THADA: variants seen among roughly 807,000 people sequenced by gnomAD.
THADA encodes the protein tRNA (32-2'-O)-methyltransferase regulator THADA.
In THADA, 213 loss-of-function variants were observed where a neutral mutation model predicts 219.8. That is an observed-to-expected ratio of 0.97 (90% CI 0.87 to 1.09). The LOEUF (loss-of-function observed/expected upper bound fraction) is 1.09. Among genes scored for constraint, THADA ranks in the 50% least tolerant of loss-of-function variants. The pLI is 0.00. For synonymous variants in THADA, 1,018 were observed against 828.9 expected, an observed-to-expected ratio of 1.23 and a Z score of -3.92; for missense variants, 2,956 against 2,311.3, an observed-to-expected ratio of 1.28 and a Z score of -5.72.
intron 26 of THADA, among the ~76,000 whole-genome samples, chr2:43,460,275 A>G (rs1683475354): frequency 6.7e-6 from 1 of 148,396 alleles, no homozygotes. Context: ...AAAGTAAGCC[A>G]GAAAGCTGAA....
Position 43,486,267 on chromosome 2 carries a change from T to C in THADA, c.3745-942A>G, listed in dbSNP as rs529917118. Among the ~76,000 whole-genome samples the C allele has an allele frequency of 7.2e-5, 11 of 152,356 alleles. No homozygotes were observed. In the South Asian group the frequency reaches 1.9e-3, roughly 26 times the overall value. Reference sequence around the variant, plus strand: ...TAAAGATAAGAGGCAGGAATTACCATGAATAAACACAAATTATTTCTCCAA... The same window carrying C: ...TAAAGATAAGAGGCAGGAATTACCACGAATAAACACAAATTATTTCTCCAA... On this transcript the variant is annotated intron_variant, in intron 25 of 37. Transcript: ENST00000405975.
At chr2:43,310,224 CCG>C (rs1483640333) in intron 31 of THADA, among the ~76,000 whole-genome samples, 402 of 39,644 alleles carry the variant, frequency 0.01, 12 homozygotes, top group Non-Finnish European at 0.012. Flanking sequence ...CCTCCCTTTC[CCG>C]CCCCCCCCCC....
intron 15 of THADA, chr2:43,562,566 T>C (rs1449648756): frequency 4.6e-5 from 7 of 152,086 alleles, no homozygotes; most frequent in Admixed American, 3.9e-4. Context: ...TAAGTGTCTT[T>C]GGTTTTGGTA....
At chr2:43,286,871 AGTT>A in intron 35 of THADA, 34 bp downstream of exon 35, 1 of 1,583,518 alleles carries the variant, frequency 6.3e-7, no homozygotes, top group Non-Finnish European at 8.6e-7. Flanking sequence ...ATTTTAAGTG[AGTT>A]TGGTACAACA....
At chr2:43,442,056 A>G (rs1680903839) in intron 26 of THADA, among the ~76,000 whole-genome samples, 1 of 152,202 alleles carries the variant, frequency 6.6e-6, no homozygotes, top group Non-Finnish European at 1.5e-5. Context: ...TTAATAGTCA[A>G]GTGAATGATA....
At position 43,243,647 on chromosome 2, in the gene THADA, G is replaced by A. The variant is rs549744248; in HGVS notation, c.5297-10765C>T. Among the ~76,000 whole-genome samples, 427 of 152,252 alleles carry A rather than the reference G, an allele frequency of 2.8e-3. 2 individuals are homozygous for A. The highest frequency in any genetic ancestry group is 5.1e-3 in the Non-Finnish European group (344 of 67,988). On this transcript the variant is annotated intron_variant, in intron 36 of 37. Coordinates refer to ENST00000405975, the MANE Select transcript of THADA (RefSeq NM_022065.5). ...GCAGAGAGGTGGCCACAAATGAGAA[G>A]CAGCCCCTTCCCAGGCACAACCTGC...
chr2:43,416,239 T>C (rs1029768960), intron 28 of THADA, among the ~76,000 whole-genome samples: 9 of 152,202 alleles, frequency 5.9e-5, no homozygotes, highest in Non-Finnish European at 1.0e-4. Context: ...CTGAAAATAT[T>C]GTCTGTCCAC....
intron 28 of THADA, among the ~76,000 whole-genome samples, chr2:43,416,024 T>C (rs1476033496): frequency 6.6e-6 from 1 of 152,194 alleles, no homozygotes; most frequent in Non-Finnish European, 1.5e-5. Context: ...GAAGCTTAAC[T>C]AGAAAAAATA....
chr2:43,365,113 T>TG (rs1295380716), intron 29 of THADA, among the ~76,000 whole-genome samples: 113 of 151,948 alleles, frequency 7.4e-4, no homozygotes, highest in Non-Finnish European at 1.2e-4. Context: ...TTAGTAGAGA[T>TG]GGGGTTTCAC....
rs369822260 is a variant in THADA, at chr2:43,574,875, T to C, written c.1190A>G (p.Tyr397Cys). The C allele has an allele frequency of 1.5e-5, 24 of 1,613,902 alleles. No homozygotes were observed. Among genetic ancestry groups the C allele is most frequent in the Admixed American group, 8.3e-5 (5 of 59,998 alleles). Residue 397 changes from tyrosine (Y) to cysteine (C), a missense_variant, in exon 11 of 38, where the codon TAT (tyrosine) becomes TGT (cysteine). Tyr to Cys is a radical substitution (Grantham distance 194). Coordinates refer to ENST00000405975, the MANE Select transcript of THADA (RefSeq NM_022065.5). ...ATCCAATGGATGTTCCCAATGGGTATAGACATATTCCAAAAGTCTCCCAAC... is the reference window on the plus strand; with the variant it reads ...ATCCAATGGATGTTCCCAATGGGTACAGACATATTCCAAAAGTCTCCCAAC... ...SIVGRLLEYV[Y>C]THWEHPLDAL...
intron 16 of THADA, among the ~76,000 whole-genome samples, chr2:43,557,552 A>T (rs778688149): frequency 1.3e-5 from 2 of 152,226 alleles, no homozygotes; most frequent in Non-Finnish European, 2.9e-5. Flanking sequence ...CAGAGCTCCC[A>T]CACCTATATC....
chr2:43,474,267 G>A (rs1417835796), intron 26 of THADA, among the ~76,000 whole-genome samples: 2 of 152,192 alleles, frequency 1.3e-5, no homozygotes, highest in African/African-American at 4.8e-5. Flanking sequence ...GGTTTAAAGA[G>A]GATGTGTGTT....
Position 43,518,730 on chromosome 2 carries a change from A to T in THADA, c.3374+9149T>A, listed in dbSNP as rs897113625. Among the ~76,000 whole-genome samples the T allele has an allele frequency of 3.3e-5, 5 of 152,074 alleles. No individual in the cohort carries two copies. The South Asian group carries it at 6.2e-4, about 19-fold the overall frequency. ...TTTCTTTCTTAAGCCTCTTTAGGAG[A>T]TCTCCTCTAGGCCCATAGCTTCATC... On this transcript the variant is annotated intron_variant, in intron 22 of 37. Transcript: ENST00000405975.
chr2:43,468,905 G>C (rs1452057367), intron 26 of THADA, among the ~76,000 whole-genome samples: 2 of 152,108 alleles, frequency 1.3e-5, no homozygotes, highest in African/African-American at 4.8e-5. Context: ...TGAGGCCCGG[G>C]GGACTAAAAT....
Position 43,292,296 on chromosome 2 carries a change from A to T in THADA, c.4819-74T>A, listed in dbSNP as rs1674829138. On this transcript the variant is annotated intron_variant, in intron 32 of 37. Coordinates refer to ENST00000405975, the MANE Select transcript of THADA (RefSeq NM_022065.5). ...AGATGTCTCTAGATGTTACATGATA[A>T]TCAATTGTATCAACAAGAGGTCTAC... 9.7e-6 allele frequency: 9 copies of T among 925,720 alleles called. No individual in the cohort carries two copies. In the South Asian group the frequency reaches 1.7e-4, roughly 17 times the overall value. 57.3% of individuals were successfully genotyped at this position (925,720 alleles called of 1,614,324 possible).
intron 26 of THADA, among the ~76,000 whole-genome samples, chr2:43,443,432 C>G (rs58810052): frequency 1.3e-5 from 2 of 152,216 alleles, no homozygotes; most frequent in Non-Finnish European, 2.9e-5. Context: ...GCTTGTCTCA[C>G]TGGTTTACAA....
chr2:43,535,274 T>C (rs1694417961), intron 21 of THADA, among the ~76,000 whole-genome samples: 1 of 150,684 alleles, frequency 6.6e-6, no homozygotes, highest in African/African-American at 2.4e-5. Context: ...TTTTCTCCCA[T>C]TCTGAAGTTT....
At position 43,552,292 on chromosome 2, in the gene THADA, C is replaced by T. The variant is rs1558958535; in HGVS notation, c.2722G>A (p.Glu908Lys). 1 of 1,610,400 alleles carries T rather than the reference C, an allele frequency of 6.2e-7. No individual in the cohort carries two copies. The highest frequency in any genetic ancestry group is 1.3e-5 in the African/African-American group (1 of 74,870). Residue 908 changes from glutamate (E) to lysine (K), a missense_variant, in exon 18 of 38, where the codon GAA (glutamate) becomes AAA (lysine). Coordinates refer to ENST00000405975, the MANE Select transcript of THADA (RefSeq NM_022065.5). The part of the protein sequence containing the change: ...ENLEEEVSQA[E>K]NSLLQAAAAF... ...GCTGCTGCCTGAAGCAGAGAATTTT[C>T]AGCCTGAGATACTTCTTCCTCAAGA... is the stretch of plus-strand genomic sequence containing the variant.
chr2:43,577,266 C>T (rs2104055230), intron 9 of THADA, 24 bp from the exon 10 acceptor site: 1 of 1,529,910 alleles, frequency 6.5e-7, no homozygotes, highest in Non-Finnish European at 8.9e-7. Context: ...GCAGAGCTAA[C>T]ACACATAAAG....
Sources: allele counts gnomAD v4.1 joint callset (sites outside exome capture counted in the v4.1 genomes callset), GRCh38; gene constraint gnomAD v4.1.1; transcripts MANE v1.5; gene names NCBI Gene and HGNC (gene_info 2026-07-23, HGNC 2026-07-21).